Variants in WHRN observed in about 807,000 individuals in gnomAD.
WHRN encodes the protein whirlin.
A neutral mutation model predicts 68.3 loss-of-function variants in WHRN; 41 were observed. The observed-to-expected ratio is 0.60, with a 90% CI of 0.47 to 0.78. The LOEUF is 0.78. Ranked by LOEUF, WHRN falls within the 30% of genes least tolerant of loss-of-function variation. The probability of loss-of-function intolerance (pLI) is 0.00; values close to 1 mark genes in which losing one functional copy is unlikely to be tolerated. For synonymous variants in WHRN, 560 were observed against 561.3 expected (o/e 1.00, Z 0.03); for missense variants, 1,243 against 1,244.7 (o/e 1.00, Z 0.02).
intron 3 of WHRN, among the ~76,000 whole-genome samples, chr9:114,465,701 A>G (rs142512896): frequency 1.2e-3 from 181 of 152,300 alleles, no homozygotes; most frequent in African/African-American, 4.0e-3. Context: ...CTGCTCTGCA[A>G]CCCACCAGTT....
At chr9:114,472,605 C>T (rs937650779) in intron 2 of WHRN, among the ~76,000 whole-genome samples, 1 of 152,134 alleles carries the variant, frequency 6.6e-6, no homozygotes, top group African/African-American at 2.4e-5. Flanking sequence ...TCTTTTCATG[C>T]CCGTTACGGT....
At chr9:114,424,078 G>A (rs899281265) in intron 6 of WHRN, among the ~76,000 whole-genome samples, 10 of 152,204 alleles carry the variant, frequency 6.6e-5, no homozygotes, top group African/African-American at 2.2e-4. Flanking sequence ...GCTTTTAAGA[G>A]CAATCCAGGT....
chr9:114,415,381 C>T (rs530992854), intron 7 of WHRN, among the ~76,000 whole-genome samples: 2 of 152,226 alleles, frequency 1.3e-5, no homozygotes, highest in East Asian at 1.9e-4. Context: ...TCCTGACCCT[C>T]GCCCCTCTAC....
chr9:114,496,593 G>A (rs1453781936), intron 1 of WHRN, among the ~76,000 whole-genome samples: 1 of 152,160 alleles, frequency 6.6e-6, no homozygotes, highest in Non-Finnish European at 1.5e-5. Flanking sequence ...TCAAAGACAA[G>A]CGAAGGCAGT....
At chr9:114,472,164 T>C (rs1336619949) in intron 2 of WHRN, among the ~76,000 whole-genome samples, 1 of 152,178 alleles carries the variant, frequency 6.6e-6, no homozygotes, top group Non-Finnish European at 1.5e-5. Flanking sequence ...GCTCCCAACT[T>C]CCACCCTTGC....
At position 114,480,070 on chromosome 9, in the gene WHRN, T is replaced by C. The variant is rs187524212; in HGVS notation, c.619-1299A>G. 4.6e-5 allele frequency among the ~76,000 whole-genome samples: 7 copies of C among 151,420 alleles called. No homozygotes were observed. The East Asian group carries it at 1.2e-3, about 25-fold the overall frequency. ...AGAATGAGACTCCTTCTCAAAAAAA[T>C]AGTAATAATTAATTAAAAAAAAAGA... On this transcript the variant is annotated intron_variant, in intron 1 of 11. Transcript: ENST00000362057.
At chr9:114,469,671 C>T (rs551252947) in intron 2 of WHRN, among the ~76,000 whole-genome samples, 2 of 152,352 alleles carry the variant, frequency 1.3e-5, no homozygotes, top group South Asian at 4.1e-4. Flanking sequence ...GGCACGGCAG[C>T]CCTGCCCTGT....
At chr9:114,493,762 C>T (rs1208627636) in intron 1 of WHRN, among the ~76,000 whole-genome samples, 2 of 152,170 alleles carry the variant, frequency 1.3e-5, no homozygotes, top group African/African-American at 4.8e-5. Context: ...CACCTCTGTC[C>T]CTGAAATCTA....
chr9:114,501,101 C>G (rs370986150), intron 1 of WHRN, among the ~76,000 whole-genome samples: 1 of 152,230 alleles, frequency 6.6e-6, no homozygotes, highest in South Asian at 2.1e-4. Context: ...CAGAGAGGGT[C>G]AGTGACTTGC....
intron 3 of WHRN, among the ~76,000 whole-genome samples, chr9:114,427,538 T>C (rs1216920561): frequency 6.6e-6 from 1 of 152,172 alleles, no homozygotes; most frequent in African/African-American, 2.4e-5. Context: ...TTCCCCAGTT[T>C]CCCAGCCTGC....
intron 3 of WHRN, among the ~76,000 whole-genome samples, chr9:114,434,195 A>T (rs896171406): frequency 6.6e-6 from 1 of 152,198 alleles, no homozygotes; most frequent in African/African-American, 2.4e-5. Flanking sequence ...TCTAAACTTA[A>T]TAGGCACCGC....
intron 2 of WHRN, among the ~76,000 whole-genome samples, chr9:114,472,371 G>A (rs547490776): frequency 6.6e-6 from 1 of 152,278 alleles, no homozygotes; most frequent in Non-Finnish European, 1.5e-5. Flanking sequence ...TCCTCAAGAG[G>A]CCCTGCTCAC....
At chr9:114,432,797 G>A (rs1017467599) in intron 3 of WHRN, among the ~76,000 whole-genome samples, 24 of 152,190 alleles carry the variant, frequency 1.6e-4, no homozygotes, top group African/African-American at 5.1e-4. Flanking sequence ...GTAACTGCAT[G>A]GGTCTCCATG....
At chr9:114,486,554 A>T (rs1842486597) in intron 1 of WHRN, among the ~76,000 whole-genome samples, 1 of 152,216 alleles carries the variant, frequency 6.6e-6, no homozygotes, top group Non-Finnish European at 1.5e-5. Flanking sequence ...TCTATATGCC[A>T]GACAGCCTCA....
chr9:114,498,119 T>A (rs1843618246), intron 1 of WHRN, among the ~76,000 whole-genome samples: 1 of 152,198 alleles, frequency 6.6e-6, no homozygotes, highest in African/African-American at 2.4e-5. Flanking sequence ...AGGAGCAAGA[T>A]CATTCCATTC....
intron 1 of WHRN, among the ~76,000 whole-genome samples, chr9:114,486,207 C>A (rs1842461307): frequency 6.6e-6 from 1 of 152,094 alleles, no homozygotes; most frequent in Non-Finnish European, 1.5e-5. Flanking sequence ...ACGTGTCCCC[C>A]AACTTTCTTC....
intron 9 of WHRN, among the ~76,000 whole-genome samples, chr9:114,404,528 A>G (rs1158526146): frequency 2.0e-5 from 3 of 152,192 alleles, no homozygotes; most frequent in Non-Finnish European, 4.4e-5. Flanking sequence ...CACCACACCT[A>G]GCCTGAACCC....
chr9:114,440,457 T>G lies in WHRN; in HGVS notation c.964-14044A>C, dbSNP rs1467546420. ...TTTCACCATGTTAGCTAGGCTGGTC[T>G]CAAACTCCTGACCTCAGGTGATCCG... On this transcript the variant is annotated intron_variant, in intron 3 of 11. Transcript: ENST00000362057. 2.0e-5 allele frequency among the ~76,000 whole-genome samples: 3 copies of G among 152,254 alleles called. No individual in the cohort carries two copies. In the East Asian group the frequency reaches 5.8e-4, roughly 29 times the overall value.
chr9:114,492,795 G>A (rs1014021334), intron 1 of WHRN, among the ~76,000 whole-genome samples: 2 of 152,022 alleles, frequency 1.3e-5, no homozygotes, highest in Non-Finnish European at 1.5e-5. Flanking sequence ...CGACCAGCCT[G>A]CGCAACATGG....
Sources: allele counts gnomAD v4.1 joint callset (sites outside exome capture counted in the v4.1 genomes callset), GRCh38; gene constraint gnomAD v4.1.1; transcripts MANE v1.5; gene names NCBI Gene and HGNC (gene_info 2026-07-23, HGNC 2026-07-21).